The following HPSE2 variants were observed in gnomAD, a reference collection of about 807,000 sequenced individuals.
HPSE2 encodes inactive heparanase-2.
HPSE2 carries 38 observed loss-of-function variants against 60.5 expected under a neutral mutation model. The observed-to-expected ratio is 0.63, with a 90% CI of 0.48 to 0.82. The LOEUF is 0.82. HPSE2 is among the 40% of genes least tolerant of loss of function. The pLI is 0.00. For synonymous variants in HPSE2, 295 were observed against 293.2 expected, an observed-to-expected ratio of 1.01 and a Z score of -0.06; for missense variants, 713 against 740.4, an observed-to-expected ratio of 0.96 and a Z score of 0.43.
intron 9 of HPSE2, among the ~76,000 whole-genome samples, chr10:98,613,946 G>A (rs1471918260): frequency 6.6e-6 from 1 of 152,146 alleles, no homozygotes; most frequent in East Asian, 1.9e-4. Flanking sequence ...TTCTCTGATT[G>A]GCCAATAAGG....
chr10:98,988,323 C>G (rs1276100734), intron 3 of HPSE2, among the ~76,000 whole-genome samples: 2 of 152,308 alleles, frequency 1.3e-5, no homozygotes, highest in Non-Finnish European at 2.9e-5. Context: ...CAGAATAGAG[C>G]CCTCAGAAAT....
chr10:98,793,830 G>C (rs1291225451), intron 3 of HPSE2, among the ~76,000 whole-genome samples: 1 of 152,158 alleles, frequency 6.6e-6, no homozygotes, highest in East Asian at 1.9e-4. Flanking sequence ...CAAGTACAAA[G>C]GTTTGAAAGT....
chr10:98,890,767 G>A (rs1953312755), intron 3 of HPSE2, among the ~76,000 whole-genome samples: 1 of 152,164 alleles, frequency 6.6e-6, no homozygotes, highest in African/African-American at 2.4e-5. Flanking sequence ...TACTAGCTAG[G>A]TGGAGCCTTA....
the HPSE2 span, among the ~76,000 whole-genome samples, chr10:99,258,394 T>C: frequency 6.6e-6 from 1 of 151,596 alleles, no homozygotes; most frequent in African/African-American, 2.4e-5. Context: ...TGGAGTAATA[T>C]ATATATATAT....
chr10:98,968,093 A>C (rs1476324580), intron 3 of HPSE2, among the ~76,000 whole-genome samples: 1 of 152,226 alleles, frequency 6.6e-6, no homozygotes, highest in Admixed American at 6.5e-5. Context: ...CTAACCTATA[A>C]GAGAAAAAAA....
chr10:98,999,292 T>C (rs897476013), intron 3 of HPSE2, among the ~76,000 whole-genome samples: 10 of 152,106 alleles, frequency 6.6e-5, no homozygotes, highest in Admixed American at 2.0e-4. Context: ...TTGCAAACAA[T>C]GCTATTGCAA....
intron 9 of HPSE2, among the ~76,000 whole-genome samples, chr10:98,572,557 T>C (rs759949362): frequency 3.9e-5 from 6 of 152,234 alleles, no homozygotes; most frequent in Non-Finnish European, 8.8e-5. Context: ...CTTATACCTG[T>C]CATTTGCATC....
chr10:99,099,962 A>G (rs966134653), intron 3 of HPSE2, among the ~76,000 whole-genome samples: 1 of 152,204 alleles, frequency 6.6e-6, no homozygotes, highest in Non-Finnish European at 1.5e-5. Context: ...TAACAAACAG[A>G]AAGGACATTT....
At chr10:98,686,249 G>GT (rs1565078229) in intron 6 of HPSE2, among the ~76,000 whole-genome samples, 1 of 149,998 alleles carries the variant, frequency 6.7e-6, no homozygotes, top group East Asian at 1.9e-4. Flanking sequence ...ATCATTGCTT[G>GT]TAAGTGTTTC....
chr10:99,111,282 T>C lies in HPSE2; in HGVS notation c.610+32956A>G, dbSNP rs191869883. Among the ~76,000 whole-genome samples, 11 of 152,330 alleles carry C rather than the reference T, an allele frequency of 7.2e-5. No individual in the cohort carries two copies. The East Asian group carries it at 1.7e-3, about 24-fold the overall frequency. On this transcript the variant is annotated intron_variant, in intron 3 of 11. Transcript: ENST00000370552. Reference sequence around the variant, plus strand: ...ACTTTGTTCTTCCTCTTTAGTATTGTGTTGGCTATTCTAGTTCTTTTGTCT... The same window carrying C: ...ACTTTGTTCTTCCTCTTTAGTATTGCGTTGGCTATTCTAGTTCTTTTGTCT...
intron 3 of HPSE2, among the ~76,000 whole-genome samples, chr10:98,862,442 A>G (rs939549524): frequency 2.0e-5 from 3 of 152,160 alleles, no homozygotes; most frequent in African/African-American, 7.2e-5. Flanking sequence ...TGATATGTAC[A>G]GTGGCACTTG....
At chr10:98,849,652 G>A (rs1005879079) in intron 3 of HPSE2, among the ~76,000 whole-genome samples, 1 of 152,148 alleles carries the variant, frequency 6.6e-6, no homozygotes, top group African/African-American at 2.4e-5. Flanking sequence ...GGAGAATTAG[G>A]AAGACCCCAT....
chr10:98,853,961 A>C (rs750506981), intron 3 of HPSE2, among the ~76,000 whole-genome samples: 2 of 152,166 alleles, frequency 1.3e-5, no homozygotes, highest in Non-Finnish European at 2.9e-5. Context: ...GTCTTTTTCT[A>C]AGTAGGCTGA....
At chr10:98,766,388 T>C (rs1950119499) in intron 3 of HPSE2, among the ~76,000 whole-genome samples, 1 of 152,202 alleles carries the variant, frequency 6.6e-6, no homozygotes, top group African/African-American at 2.4e-5. Context: ...ATACCATTTC[T>C]AAACAATCTC....
intron 4 of HPSE2, among the ~76,000 whole-genome samples, chr10:98,740,033 T>C (rs1158906185): frequency 1.3e-5 from 2 of 152,216 alleles, no homozygotes; most frequent in African/African-American, 2.4e-5. Context: ...TGTAAAAATC[T>C]GTAATCATTA....
intron 4 of HPSE2, 78 bp from the exon 5 acceptor site, chr10:98,721,906 T>C (rs1948936232): frequency 1.7e-6 from 2 of 1,176,148 alleles, no homozygotes; most frequent in South Asian, 2.5e-5. Flanking sequence ...CAGATCTCTC[T>C]GCCTTTTTCT....
the HPSE2 span, among the ~76,000 whole-genome samples, chr10:99,277,717 A>T: frequency 9.2e-5 from 14 of 152,228 alleles, no homozygotes; most frequent in Non-Finnish European, 2.9e-5. Context: ...TGCACAATAC[A>T]GTAAAATATA....
intron 11 of HPSE2, among the ~76,000 whole-genome samples, chr10:98,470,633 C>A (rs1028857589): frequency 6.6e-6 from 1 of 152,248 alleles, no homozygotes; most frequent in Non-Finnish European, 1.5e-5. Flanking sequence ...TCTTCTCAGT[C>A]AGCCAGAACT....
chr10:99,097,937 CA>C (rs1340490665), intron 3 of HPSE2, among the ~76,000 whole-genome samples: 1 of 152,174 alleles, frequency 6.6e-6, no homozygotes, highest in East Asian at 1.9e-4. Flanking sequence ...ATGAAGTTGT[CA>C]AGACTCTGAT....
Sources: allele counts gnomAD v4.1 joint callset (sites outside exome capture counted in the v4.1 genomes callset), GRCh38; gene constraint gnomAD v4.1.1; transcripts MANE v1.5; gene names NCBI Gene and HGNC (gene_info 2026-07-23, HGNC 2026-07-21).